Variants in NAV2 observed in about 807,000 individuals in gnomAD.
The protein encoded by NAV2 is helicase, APC down-regulated 1.
In NAV2, 54 loss-of-function variants were observed where a neutral mutation model predicts 223.2. The ratio of observed to expected loss-of-function variants is 0.24; its 90% CI spans 0.19 to 0.30. The LOEUF is 0.30. NAV2 is among the 10% of genes least tolerant of loss of function. The pLI is 1.00. For missense variants in NAV2, 2,806 were observed against 3,147.5 expected (o/e 0.89, Z 2.60); for synonymous variants, 1,279 against 1,239.3 (o/e 1.03, Z -0.67).
chr11:20,110,047 A>T (rs1424224091), intron 36 of NAV2, among the ~76,000 whole-genome samples: 1 of 152,246 alleles, frequency 6.6e-6, no homozygotes, highest in Non-Finnish European at 1.5e-5. Context: ...GGAGCTGATC[A>T]TAGAGGATCA....
At position 20,093,093 on chromosome 11, in the gene NAV2, T is replaced by C; in HGVS notation, c.5816-6T>C. On this transcript the variant is annotated splice_region_variant and splice_polypyrimidine_tract_variant and intron_variant, in intron 28 of 37. Transcript: ENST00000349880. ...GCCTAAGGCTGTTGATGTTTTCCAT[T>C]CGCAGACATGTTGCTGGATGACACT... The C allele has an allele frequency of 6.2e-7, 1 of 1,610,404 alleles. No homozygotes were observed. Among genetic ancestry groups the C allele is most frequent in the Non-Finnish European group, 8.5e-7 (1 of 1,177,382 alleles).
At chr11:19,613,857 G>A (rs1234784290) in intron 1 of NAV2, among the ~76,000 whole-genome samples, 1 of 152,192 alleles carries the variant, frequency 6.6e-6, no homozygotes, top group Non-Finnish European at 1.5e-5. Context: ...TTACTACAAT[G>A]CCTAACCAAT....
intron 1 of NAV2, among the ~76,000 whole-genome samples, chr11:19,355,053 G>T (rs985664374): frequency 6.6e-6 from 1 of 152,172 alleles, no homozygotes; most frequent in Non-Finnish European, 1.5e-5. Context: ...ATTCAATGAG[G>T]TAAGTATTGT....
intron 1 of NAV2, among the ~76,000 whole-genome samples, chr11:19,424,573 C>T (rs1368830887): frequency 1.3e-5 from 2 of 152,112 alleles, no homozygotes; most frequent in Non-Finnish European, 2.9e-5. Context: ...TGTTTCGAGA[C>T]GGAGTCTTGC....
chr11:19,708,792 G>A (rs1301423222), upstream of NAV2, among the ~76,000 whole-genome samples: 1 of 151,554 alleles, frequency 6.6e-6, no homozygotes, highest in Non-Finnish European at 1.5e-5. Flanking sequence ...ACATTTGGGT[G>A]ATTCTGCAAG....
chr11:19,675,148 A>G (rs2048680341), intron 1 of NAV2, among the ~76,000 whole-genome samples: 1 of 152,110 alleles, frequency 6.6e-6, no homozygotes, highest in Non-Finnish European at 1.5e-5. Flanking sequence ...GCCCTGTTCA[A>G]CTTGGTCCCA....
intron 3 of NAV2, among the ~76,000 whole-genome samples, chr11:19,844,441 A>C (rs1414198134): frequency 1.3e-5 from 2 of 152,180 alleles, no homozygotes; most frequent in Non-Finnish European, 2.9e-5. Context: ...GTCTACTTCC[A>C]AGCTTATACA....
intron 27 of NAV2, among the ~76,000 whole-genome samples, chr11:20,091,844 G>A (rs2060873287): frequency 6.6e-6 from 1 of 152,150 alleles, no homozygotes; most frequent in Admixed American, 6.5e-5. Context: ...AATTCATGGC[G>A]TAGAGGAGCT....
At chr11:19,562,292 T>C (rs2134780071) in intron 1 of NAV2, among the ~76,000 whole-genome samples, 1 of 152,182 alleles carries the variant, frequency 6.6e-6, no homozygotes, top group East Asian at 1.9e-4. Flanking sequence ...AATCAAGTTA[T>C]TATGCCTGAC....
intron 1 of NAV2, among the ~76,000 whole-genome samples, chr11:19,389,504 G>A (rs1397018502): frequency 6.6e-6 from 1 of 152,192 alleles, no homozygotes; most frequent in African/African-American, 2.4e-5. Context: ...CCACTCACCA[G>A]ATTTGTGATG....
At chr11:19,680,944 G>T (rs2048865780) in intron 1 of NAV2, among the ~76,000 whole-genome samples, 1 of 152,220 alleles carries the variant, frequency 6.6e-6, no homozygotes, top group African/African-American at 2.4e-5. Flanking sequence ...GAATCACTTA[G>T]TTCTATTATG....
chr11:19,542,315 A>C (rs1195447704), intron 1 of NAV2, among the ~76,000 whole-genome samples: 1 of 152,216 alleles, frequency 6.6e-6, no homozygotes, highest in African/African-American at 2.4e-5. Context: ...TCTTCATAAT[A>C]ACCCTCTAGG....
chr11:20,113,045 C>A (rs2062771076), intron 36 of NAV2, among the ~76,000 whole-genome samples: 1 of 152,202 alleles, frequency 6.6e-6, no homozygotes, highest in Admixed American at 6.5e-5. Flanking sequence ...CTCTAAGGCC[C>A]CCTGCAGAGT....
intron 1 of NAV2, among the ~76,000 whole-genome samples, chr11:19,378,535 A>C (rs1174160060): frequency 6.8e-6 from 1 of 148,082 alleles, no homozygotes; most frequent in East Asian, 2.0e-4. Context: ...GCGGCGCCTC[A>C]CTATTTGTGG....
intron 1 of NAV2, among the ~76,000 whole-genome samples, chr11:19,831,113 G>T (rs1265287150): frequency 6.6e-6 from 1 of 150,982 alleles, no homozygotes; most frequent in Non-Finnish European, 1.5e-5. Context: ...TCACTTCCTG[G>T]TATGAGGCCC....
chr11:19,851,392 ATGAGACATT>A (rs1380098393), intron 3 of NAV2, among the ~76,000 whole-genome samples: 1 of 152,226 alleles, frequency 6.6e-6, no homozygotes, highest in African/African-American at 2.4e-5. Context: ...GAGGCTCAGG[ATGAGACATT>A]CTGTTTTGGG....
At chr11:19,569,593 G>A (rs2045363917) in intron 1 of NAV2, among the ~76,000 whole-genome samples, 1 of 151,968 alleles carries the variant, frequency 6.6e-6, no homozygotes, top group Admixed American at 6.6e-5. Context: ...ATTCTCTGCT[G>A]GCCTACTTGA....
intron 22 of NAV2, among the ~76,000 whole-genome samples, chr11:20,071,279 A>T (rs1017057823): frequency 1.3e-5 from 2 of 152,150 alleles, no homozygotes; most frequent in African/African-American, 4.8e-5. Flanking sequence ...ATGTCCCTGA[A>T]AAGGACATGA....
At chr11:19,604,213 G>T (rs928480901) in intron 1 of NAV2, among the ~76,000 whole-genome samples, 5 of 152,160 alleles carry the variant, frequency 3.3e-5, no homozygotes, top group African/African-American at 1.2e-4. Context: ...TACTCTAGAG[G>T]CTGTGAGAAG....
Sources: gnomAD v4.1 joint callset for allele counts (sites outside exome capture counted in the v4.1 genomes callset) on GRCh38, gnomAD v4.1.1 for gene constraint, MANE v1.5 for transcripts, NCBI Gene and HGNC (gene_info 2026-07-23, HGNC 2026-07-21) for gene names.